ABCB11: variants seen among roughly 807,000 people sequenced by gnomAD.
ABCB11 encodes ATP binding cassette subfamily B member 11.
In ABCB11, 95 loss-of-function variants were observed where a neutral mutation model predicts 148.0. That is an observed-to-expected ratio of 0.64 (90% CI 0.54 to 0.76). ABCB11 has a LOEUF of 0.76. ABCB11 is among the 30% of genes least tolerant of loss of function. The pLI, the probability that ABCB11 is intolerant of heterozygous loss-of-function variation, is 0.00. For missense variants in ABCB11, 1,523 were observed against 1,617.8 expected (o/e 0.94, Z 1.01); for synonymous variants, 591 against 555.4 (o/e 1.06, Z -0.90).
In ABCB11 at chr2:168,964,365, C is replaced by A. The variant is rs1041277268; in HGVS notation, c.2076-57G>T. On this transcript the variant is annotated intron_variant, in intron 17 of 27. Coordinates refer to ENST00000650372, the MANE Select transcript of ABCB11 (RefSeq NM_003742.4). ...GACTGTGGCCAGATTGGAGCAGGAT[C>A]AACTGGTGTCCAAGTTTACATTTCA... The A allele has an allele frequency of 9.9e-6, 13 of 1,318,028 alleles. No individual in the cohort carries two copies. The East Asian group carries it at 3.0e-4, about 31-fold the overall frequency. The allele number at this position is 1,318,028 out of a possible 1,614,324, so 81.6% of individuals were successfully genotyped here. A position where few individuals can be genotyped will look rare whatever the true frequency, so the allele number is the denominator to read the frequency against.
intron 15 of ABCB11, 77 bp from the exon 16 acceptor site, chr2:168,969,628 C>T: frequency 7.6e-7 from 1 of 1,314,414 alleles, no homozygotes; most frequent in Non-Finnish European, 1.1e-6. Context: ...ATTTCAGAAT[C>T]CATAGGAAAG....
intron 10 of ABCB11, among the ~76,000 whole-genome samples, chr2:168,980,790 C>T (rs1694108147): frequency 6.6e-6 from 1 of 152,070 alleles, no homozygotes; most frequent in South Asian, 2.1e-4. Context: ...CATCTCATTA[C>T]CTTAGGGGAA....
intron 1 of ABCB11, among the ~76,000 whole-genome samples, chr2:169,019,792 T>C (rs1195324379): frequency 6.6e-6 from 1 of 152,176 alleles, no homozygotes; most frequent in African/African-American, 2.4e-5. Context: ...CAATAGAGGC[T>C]AGAAAACAGT....
intron 2 of ABCB11, 50 bp downstream of exon 2, chr2:169,018,000 G>A: frequency 6.7e-7 from 1 of 1,500,160 alleles, no homozygotes; most frequent in Non-Finnish European, 9.3e-7. Context: ...TCCTACTTTT[G>A]TTCTCACCTC....
chr2:168,918,415 A>G (rs901044249), downstream of ABCB11, among the ~76,000 whole-genome samples: 2 of 152,238 alleles, frequency 1.3e-5, no homozygotes, highest in African/African-American at 2.4e-5. Context: ...TCTTCCAGAT[A>G]TCTTTTTATG....
chr2:169,018,321 G>A (rs1296735055), intron 1 of ABCB11, among the ~76,000 whole-genome samples, 169 bp from the exon 2 acceptor site: 2 of 152,080 alleles, frequency 1.3e-5, no homozygotes, highest in Non-Finnish European at 2.9e-5. Context: ...TAATTATCAG[G>A]AAAGATAAGC....
At chr2:168,986,535 G>A (rs547652415) in intron 9 of ABCB11, among the ~76,000 whole-genome samples, 1 of 152,144 alleles carries the variant, frequency 6.6e-6, no homozygotes, top group African/African-American at 2.4e-5. Flanking sequence ...GCATAGTGAG[G>A]TAAGCTTGGC....
Position 168,971,940 on chromosome 2 carries a change from A to G in ABCB11, c.1545T>C (p.Asn515=), listed in dbSNP as rs1693596925. 6.2e-7 allele frequency: 1 copy of G among 1,612,954 alleles called. No individual in the cohort carries two copies. The highest frequency in any genetic ancestry group is 1.1e-5 in the South Asian group (1 of 91,056). The change falls in exon 14 of 28, where the codon AAT becomes AAC. Residue 515 remains asparagine, a synonymous_variant. Coordinates refer to ENST00000650372, the MANE Select transcript of ABCB11 (RefSeq NM_003742.4). The part of the protein sequence containing the change: ...PVLFSTTIAE[N]IRYGREDATM... ...TTGCATCTTCTCTGCCATAGCGAAT[A>G]TTTTCTGCAATGGTGGTAGAGAACA...
At chr2:168,958,926 T>G (rs1692924523) in intron 18 of ABCB11, among the ~76,000 whole-genome samples, 1 of 151,850 alleles carries the variant, frequency 6.6e-6, no homozygotes, top group South Asian at 2.1e-4. Context: ...GAGAAAGGAT[T>G]TTAGGTAGCT....
At position 169,023,156 on chromosome 2, in the gene ABCB11, A is replaced by C. The variant is rs1695583211; in HGVS notation, c.-27-5004T>G. On this transcript the variant is annotated intron_variant, in intron 1 of 27. Coordinates refer to ENST00000650372, the MANE Select transcript of ABCB11 (RefSeq NM_003742.4). ...AATGACTTTGGATAGCAATTTGGAA[A>C]TATCTAGCAAGGCTAAACATGTTAA... is the stretch of plus-strand genomic sequence containing the variant. Among the ~76,000 whole-genome samples, 3 of 152,236 alleles carry C rather than the reference A, an allele frequency of 2.0e-5. 1 individual carries two copies. The East Asian group carries it at 5.8e-4, about 29-fold the overall frequency.
rs757994117 is a variant in ABCB11 at position 168,923,592 on chromosome 2, G to A, written c.*30C>T. The A allele has an allele frequency of 2.6e-5, 42 of 1,606,658 alleles. No individual in the cohort carries two copies. The highest frequency in any genetic ancestry group is 6.6e-5 in the South Asian group (6 of 90,922). On this transcript the variant is annotated 3_prime_UTR_variant, in exon 28 of 28. Coordinates refer to ENST00000650372, the MANE Select transcript of ABCB11 (RefSeq NM_003742.4). ...TAAAAACAACCCCTGTAACTGGTGC[G>A]TCATGTGTGTCTGAGATTCTTGCAT... is the stretch of plus-strand genomic sequence containing the variant.
In ABCB11 at chr2:168,979,910, T is replaced by C; in HGVS notation, c.1153A>G (p.Thr385Ala). The C allele has an allele frequency of 4.3e-6, 7 of 1,610,926 alleles. No individual in the cohort carries two copies. Among genetic ancestry groups the C allele is most frequent in the Non-Finnish European group, 5.9e-6 (7 of 1,177,812 alleles). The change falls in exon 11 of 28, where the codon ACT becomes GCT. Residue 385 changes from threonine to alanine, a missense_variant. By Grantham distance (58) the Thr-to-Ala change is moderately conservative. Transcript: ENST00000650372. ...NASPCLEAFA[T>A]GRAAATSIFE... is the part of the protein sequence containing the mutation. ...ATGCTGGTGGCTGCTGCACGTCCAG[T>C]TGCAAAGGCTTCCAAACAAGGAGAG...
At chr2:169,010,202 T>C (rs1695139949) in intron 5 of ABCB11, among the ~76,000 whole-genome samples, 1 of 152,220 alleles carries the variant, frequency 6.6e-6, no homozygotes, top group South Asian at 2.1e-4. Flanking sequence ...TACACGAGAC[T>C]TTGTGGCTTC....
chr2:169,028,132 T>C (rs1695756221), intron 1 of ABCB11, among the ~76,000 whole-genome samples: 1 of 151,870 alleles, frequency 6.6e-6, no homozygotes, highest in Admixed American at 6.5e-5. Flanking sequence ...TTGCAGAAAA[T>C]GTCAATCCCT....
intron 5 of ABCB11, among the ~76,000 whole-genome samples, chr2:169,010,699 T>C (rs1280997405): frequency 6.6e-6 from 1 of 152,140 alleles, no homozygotes; most frequent in Non-Finnish European, 1.5e-5. Flanking sequence ...TTCTCCTCTG[T>C]CCCACCCAAG....
rs985875380 is a variant in ABCB11 at position 168,978,786 on chromosome 2, A to G, written c.1197+1080T>C. Among the ~76,000 whole-genome samples the G allele has an allele frequency of 1.1e-4, 17 of 152,186 alleles. No individual in the cohort carries two copies. In the East Asian group the frequency reaches 1.6e-3, roughly 14 times the overall value. On this transcript the variant is annotated intron_variant, in intron 11 of 27. Coordinates refer to ENST00000650372, the MANE Select transcript of ABCB11 (RefSeq NM_003742.4). ...CAGGCTGGAGAGCAGTGGCGCAATC[A>G]TGGCTCACTGCAGCCTCGGCCACCC...
intron 19 of ABCB11, among the ~76,000 whole-genome samples, chr2:168,945,814 A>G (rs1323280738): frequency 6.6e-6 from 1 of 151,900 alleles, no homozygotes; most frequent in Admixed American, 6.6e-5. Flanking sequence ...AATTAGTTTT[A>G]TAGACTATAC....
At chr2:168,916,055 GAAGTATATTTC>G (rs1690935858), downstream of ABCB11, among the ~76,000 whole-genome samples, 2 of 152,154 alleles carry the variant, frequency 1.3e-5, no homozygotes, top group Admixed American at 1.3e-4. Context: ...ACATTATCAG[GAAGTATATTTC>G]AATGATTAAA....
At chr2:169,013,580 T>C in intron 4 of ABCB11, 70 bp from the exon 5 acceptor site, 1 of 1,265,470 alleles carries the variant, frequency 7.9e-7, no homozygotes. Context: ...CTACTTAATT[T>C]AGTTACTAGA....
Sources: gnomAD v4.1 joint callset for allele counts (sites outside exome capture counted in the v4.1 genomes callset) on GRCh38, gnomAD v4.1.1 for gene constraint, MANE v1.5 for transcripts, NCBI Gene and HGNC (gene_info 2026-07-23, HGNC 2026-07-21) for gene names.